PTPRK: variants seen among roughly 807,000 people sequenced by gnomAD.
PTPRK encodes protein tyrosine phosphatase receptor type K.
In PTPRK, 75 loss-of-function variants were observed where a neutral mutation model predicts 178.0. The observed-to-expected ratio is 0.42, with a 90% CI of 0.35 to 0.51. The LOEUF (loss-of-function observed/expected upper bound fraction) is 0.51, where lower values mean the gene tolerates loss of function less well. Ranked by LOEUF, PTPRK falls within the 20% of genes least tolerant of loss-of-function variation. The pLI, the probability that PTPRK is intolerant of heterozygous loss-of-function variation, is 0.02. For synonymous variants in PTPRK, 637 were observed against 620.6 expected (o/e 1.03, Z -0.39); for missense variants, 1,441 against 1,797.8 (o/e 0.80, Z 3.59).
chr6:128,266,263 G>A (rs1004099807), intron 3 of PTPRK, among the ~76,000 whole-genome samples: 2 of 152,120 alleles, frequency 1.3e-5, no homozygotes, highest in East Asian at 3.9e-4. Context: ...GGACACAGAA[G>A]TAAGTGCTAT....
intron 6 of PTPRK, among the ~76,000 whole-genome samples, chr6:128,204,840 C>T (rs568329411): frequency 4.6e-5 from 7 of 152,162 alleles, no homozygotes; most frequent in South Asian, 2.1e-4. Context: ...TCAACCCTTG[C>T]GGAAGACAGT....
chr6:128,135,078 TCACACACACACA>T (rs34254716), intron 7 of PTPRK, among the ~76,000 whole-genome samples: 45 of 136,382 alleles, frequency 3.3e-4, no homozygotes, highest in African/African-American at 1.1e-3. Flanking sequence ...AATCATTCAA[TCACACACACACA>T]CACACACACA....
chr6:128,427,161 G>A (rs1288242962), intron 1 of PTPRK, among the ~76,000 whole-genome samples: 3 of 152,262 alleles, frequency 2.0e-5, no homozygotes, highest in South Asian at 2.1e-4. Context: ...CACTCTATGC[G>A]CCAGAGAGTG....
rs564913078 is a variant in PTPRK, at chr6:128,407,752, C to G, written c.101-10064G>C. Among the ~76,000 whole-genome samples, 3 of 151,876 alleles carry G rather than the reference C, an allele frequency of 2.0e-5. No homozygotes were observed. In the South Asian group the frequency reaches 6.3e-4, roughly 32 times the overall value. ...TTCAATTTTCCCTCCAGCCCTTGCT[C>G]TAAAACATAATGACCAAGTTTTAAT... On this transcript the variant is annotated intron_variant, in intron 1 of 29. Coordinates refer to ENST00000368226, the MANE Select transcript of PTPRK (RefSeq NM_002844.4).
At chr6:128,207,573 G>C (rs1316148451) in intron 6 of PTPRK, among the ~76,000 whole-genome samples, 1 of 152,038 alleles carries the variant, frequency 6.6e-6, no homozygotes, top group African/African-American at 2.4e-5. Flanking sequence ...TGAGTGTACA[G>C]ATATACACAA....
At chr6:128,007,525 C>T (rs1465820653) in intron 14 of PTPRK, among the ~76,000 whole-genome samples, 2 of 150,816 alleles carry the variant, frequency 1.3e-5, no homozygotes, top group South Asian at 2.1e-4. Context: ...TTTTAGAGAG[C>T]TGTCAGAGCA....
At chr6:128,104,156 T>C (rs539349817) in intron 7 of PTPRK, among the ~76,000 whole-genome samples, 10 of 152,362 alleles carry the variant, frequency 6.6e-5, no homozygotes, top group African/African-American at 2.4e-4. Flanking sequence ...CATTTACTTC[T>C]TCATTTTTCT....
intron 7 of PTPRK, among the ~76,000 whole-genome samples, chr6:128,171,524 T>C (rs1193111942): frequency 6.6e-6 from 1 of 152,054 alleles, no homozygotes; most frequent in Non-Finnish European, 1.5e-5. Flanking sequence ...AAGCTGAGAA[T>C]ATATTTTTAA....
chr6:128,085,912 G>A (rs769619845), intron 8 of PTPRK, among the ~76,000 whole-genome samples: 6 of 152,304 alleles, frequency 3.9e-5, no homozygotes, highest in Non-Finnish European at 2.9e-5. Context: ...GGTGAGGTGT[G>A]AGCACAAACA....
chr6:128,008,120 T>A, intron 14 of PTPRK: 1 of 1,246,512 alleles, frequency 8.0e-7, no homozygotes, highest in Non-Finnish European at 1.1e-6. Context: ...GGCAATATAT[T>A]AAAATAAACT....
chr6:128,285,685 G>A (rs972404134), intron 3 of PTPRK, among the ~76,000 whole-genome samples: 13 of 151,804 alleles, frequency 8.6e-5, no homozygotes, highest in Middle Eastern at 3.4e-3. Context: ...TGTGCCTGCC[G>A]TCCCAGCTGC....
At position 128,288,556 on chromosome 6, in the gene PTPRK, G is replaced by A. The variant is rs116445817; in HGVS notation, c.495+33483C>T. ...GAATACATGAAACAGAGGATAAAAG[G>A]GCATGGGATTCAGCTCTGTTAGAAA... On this transcript the variant is annotated intron_variant, in intron 3 of 29. Transcript: ENST00000368226. 5.9e-3 allele frequency among the ~76,000 whole-genome samples: 899 copies of A among 152,134 alleles called. 10 individuals carry two copies. Among genetic ancestry groups the A allele is most frequent in the African/African-American group, 0.021 (860 of 41,512 alleles).
chr6:128,072,404 A>G (rs951227654), intron 11 of PTPRK, among the ~76,000 whole-genome samples: 3 of 152,032 alleles, frequency 2.0e-5, no homozygotes, highest in Non-Finnish European at 4.4e-5. Flanking sequence ...AGCCTAGCCT[A>G]ACTTAAATGT....
intron 27 of PTPRK, among the ~76,000 whole-genome samples, chr6:127,976,248 T>C (rs1024861817): frequency 1.3e-5 from 2 of 152,154 alleles, no homozygotes; most frequent in Admixed American, 6.5e-5. Context: ...TCTTTCCTCC[T>C]GCAGTACAGT....
At chr6:128,473,917 C>G (rs544686117) in intron 1 of PTPRK, among the ~76,000 whole-genome samples, 2 of 152,046 alleles carry the variant, frequency 1.3e-5, no homozygotes, top group South Asian at 4.1e-4. Context: ...CAAAGTAAAA[C>G]AAAAACAAAA....
intron 7 of PTPRK, among the ~76,000 whole-genome samples, chr6:128,116,909 G>C (rs763659067): frequency 2.6e-5 from 4 of 152,188 alleles, no homozygotes; most frequent in Non-Finnish European, 5.9e-5. Context: ...CACTTTGGGA[G>C]GCCGAGGCGT....
At chr6:128,437,578 C>T (rs1000201367) in intron 1 of PTPRK, among the ~76,000 whole-genome samples, 1 of 152,278 alleles carries the variant, frequency 6.6e-6, no homozygotes, top group Middle Eastern at 3.4e-3. Context: ...TAATTAAATA[C>T]ATTTTTAAAC....
intron 17 of PTPRK, among the ~76,000 whole-genome samples, chr6:127,996,203 C>G (rs1279285109): frequency 1.3e-5 from 2 of 152,004 alleles, no homozygotes; most frequent in Non-Finnish European, 2.9e-5. Flanking sequence ...TAGACAGTGG[C>G]TCCAAGTAAG....
chr6:128,292,672 G>A (rs1823587517), intron 3 of PTPRK, among the ~76,000 whole-genome samples: 1 of 151,740 alleles, frequency 6.6e-6, no homozygotes, highest in Non-Finnish European at 1.5e-5. Flanking sequence ...CAGTTCATAG[G>A]GCATCCGTCC....
Sources: gnomAD v4.1 joint callset for allele counts (sites outside exome capture counted in the v4.1 genomes callset) on GRCh38, gnomAD v4.1.1 for gene constraint, MANE v1.5 for transcripts, NCBI Gene and HGNC (gene_info 2026-07-23, HGNC 2026-07-21) for gene names.